Variants in KCNB2 observed in about 807,000 individuals in gnomAD.
KCNB2 encodes the protein delayed rectifier potassium channel protein.
In KCNB2, 15 loss-of-function variants were observed where a neutral mutation model predicts 61.5. The ratio of observed to expected loss-of-function variants is 0.24; its 90% CI spans 0.16 to 0.38. The LOEUF is 0.38. Among genes scored for constraint, KCNB2 ranks in the 10% least tolerant of loss-of-function variants. The pLI, the probability that KCNB2 is intolerant of heterozygous loss-of-function variation, is 1.00. For synonymous variants in KCNB2, 457 were observed against 446.0 expected (o/e 1.02, Z -0.31); for missense variants, 828 against 1,125.2 (o/e 0.74, Z 3.78).
rs936033227 is a variant in KCNB2 at position 72,901,402 on chromosome 8, A to G, written c.580-34533A>G. Among the ~76,000 whole-genome samples the G allele has an allele frequency of 2.0e-5, 3 of 152,342 alleles. No homozygotes were observed. The South Asian group carries it at 6.2e-4, about 32-fold the overall frequency. Reference sequence around the variant, plus strand: ...CAATATGTAAGAGTCAAAGAGCTACACATTATTCCTTTTGAAAATATAAAA... The same window carrying G: ...CAATATGTAAGAGTCAAAGAGCTACGCATTATTCCTTTTGAAAATATAAAA... On this transcript the variant is annotated intron_variant, in intron 2 of 2. Transcript: ENST00000523207.
At position 72,783,218 on chromosome 8, in the gene KCNB2, C is replaced by A. The variant is rs189278448; in HGVS notation, c.580-152717C>A. ...AAGGGGTTCCAACTTCTACTTTCAA[C>A]CCCTTCCCTGTAATTTATTCCTTAC... On this transcript the variant is annotated intron_variant, in intron 2 of 2. Coordinates refer to ENST00000523207, the MANE Select transcript of KCNB2 (RefSeq NM_004770.3). Among the ~76,000 whole-genome samples, 4 of 152,266 alleles carry A rather than the reference C, an allele frequency of 2.6e-5. No individual in the cohort carries two copies. The East Asian group carries it at 7.7e-4, about 29-fold the overall frequency.
chr8:72,572,868 G>A (rs75443446), intron 2 of KCNB2, among the ~76,000 whole-genome samples: 3,212 of 152,198 alleles, frequency 0.021, 104 homozygotes, highest in African/African-American at 0.07. Context: ...AGATGACCGC[G>A]TTTCCTGCCT....
intron 2 of KCNB2, among the ~76,000 whole-genome samples, chr8:72,763,969 C>T (rs752550785): frequency 1.3e-5 from 2 of 152,068 alleles, no homozygotes; most frequent in Non-Finnish European, 2.9e-5. Flanking sequence ...GGCACAGGCA[C>T]AGCAGAGACC....
intron 2 of KCNB2, among the ~76,000 whole-genome samples, chr8:72,727,672 C>G (rs1293801924): frequency 1.3e-5 from 2 of 152,062 alleles, no homozygotes; most frequent in East Asian, 3.9e-4. Context: ...AACCATTAGC[C>G]AGGAGAATTA....
chr8:72,859,372 A>G (rs1810258623), intron 2 of KCNB2, among the ~76,000 whole-genome samples: 1 of 152,198 alleles, frequency 6.6e-6, no homozygotes, highest in Non-Finnish European at 1.5e-5. Context: ...AATATAATTC[A>G]CATCCCATAC....
chr8:72,772,960 G>T (rs1808584820), intron 2 of KCNB2, among the ~76,000 whole-genome samples: 1 of 152,126 alleles, frequency 6.6e-6, no homozygotes, highest in African/African-American at 2.4e-5. Context: ...TATCCCTCTT[G>T]CTGGCTAGTC....
intron 2 of KCNB2, among the ~76,000 whole-genome samples, chr8:72,729,068 T>C (rs1260238920): frequency 6.6e-6 from 1 of 152,166 alleles, no homozygotes; most frequent in Non-Finnish European, 1.5e-5. Context: ...AAAGAAACTC[T>C]TTGTAACTTG....
intron 2 of KCNB2, among the ~76,000 whole-genome samples, chr8:72,743,994 G>A (rs1477413383): frequency 6.6e-6 from 1 of 152,038 alleles, no homozygotes; most frequent in Non-Finnish European, 1.5e-5. Flanking sequence ...ATCAGATTTT[G>A]TATTCTTCTT....
At chr8:72,726,689 G>GT (rs1244558513) in intron 2 of KCNB2, among the ~76,000 whole-genome samples, 4 of 152,062 alleles carry the variant, frequency 2.6e-5, no homozygotes, top group African/African-American at 9.7e-5. Context: ...TTTGTCTTTC[G>GT]TTTTTCTTTG....
intron 2 of KCNB2, among the ~76,000 whole-genome samples, chr8:72,775,742 A>T (rs1808638873): frequency 6.7e-6 from 1 of 150,116 alleles, no homozygotes; most frequent in South Asian, 2.1e-4. Flanking sequence ...AAAAAAAATG[A>T]CCCACAGGTA....
intron 2 of KCNB2, among the ~76,000 whole-genome samples, chr8:72,650,799 A>G (rs906228930): frequency 6.6e-5 from 10 of 152,166 alleles, no homozygotes; most frequent in Admixed American, 4.6e-4. Context: ...CTTGCTTTCA[A>G]TGTCTGTAAG....
chr8:72,847,916 G>A (rs747923397), intron 2 of KCNB2, among the ~76,000 whole-genome samples: 27 of 152,202 alleles, frequency 1.8e-4, no homozygotes, highest in Non-Finnish European at 3.7e-4. Context: ...GCTACAGTAG[G>A]AAAGCTAGGG....
At chr8:72,867,529 T>G (rs899178008) in intron 2 of KCNB2, among the ~76,000 whole-genome samples, 2 of 152,208 alleles carry the variant, frequency 1.3e-5, no homozygotes, top group African/African-American at 4.8e-5. Flanking sequence ...ATTACCTTGT[T>G]GATAATAAAC....
rs555886647 is a variant in KCNB2 at position 72,621,509 on chromosome 8, T to A, written c.579+53196T>A. Among the ~76,000 whole-genome samples the A allele has an allele frequency of 2.6e-5, 4 of 152,338 alleles. No individual in the cohort carries two copies. In the South Asian group the frequency reaches 8.3e-4, roughly 32 times the overall value. On this transcript the variant is annotated intron_variant, in intron 2 of 2. Coordinates refer to ENST00000523207, the MANE Select transcript of KCNB2 (RefSeq NM_004770.3). ...AATGACATCACTTGACTTGAACATT[T>A]CCCTGCACTCATTTTTAATTATTTA...
At chr8:72,846,804 T>C (rs1416251332) in intron 2 of KCNB2, among the ~76,000 whole-genome samples, 2 of 152,150 alleles carry the variant, frequency 1.3e-5, no homozygotes, top group African/African-American at 4.8e-5. Context: ...TTTTACACTG[T>C]TGGTGGGACT....
chr8:72,561,727 ATCTATATCTATATATATATG>A lies in KCNB2; in HGVS notation c.-93-5913_-93-5894del, dbSNP rs1311621455. Among the ~76,000 whole-genome samples, 82 of 35,196 alleles carry A rather than the reference ATCTATATCTATATATATATG, an allele frequency of 2.3e-3. 1 individual carries two copies. Among genetic ancestry groups the A allele is most frequent in the African/African-American group, 4.2e-3 (55 of 13,190 alleles). The allele number at this position is 35,196 out of a possible 152,430, so 23.1% of individuals were successfully genotyped here. A position where few individuals can be genotyped will look rare whatever the true frequency, so the allele number is the denominator to read the frequency against. ...TATATATATATATATATATATATAT[ATCTATATCTATATATATATG>A]TATATATATATATGGATATATATAT... On this transcript the variant is annotated intron_variant, in intron 1 of 2. Transcript: ENST00000523207.
chr8:72,563,395 A>G (rs1806567247), intron 1 of KCNB2, among the ~76,000 whole-genome samples: 1 of 152,202 alleles, frequency 6.6e-6, no homozygotes, highest in Non-Finnish European at 1.5e-5. Context: ...AGCCCCTTTT[A>G]TGATCCCATA....
chr8:72,707,208 G>A (rs748974677), intron 2 of KCNB2, among the ~76,000 whole-genome samples: 2 of 152,164 alleles, frequency 1.3e-5, no homozygotes, highest in African/African-American at 2.4e-5. Flanking sequence ...CGACTTTAAT[G>A]TTTAAAAAAT....
intron 2 of KCNB2, among the ~76,000 whole-genome samples, chr8:72,852,063 T>C (rs1279805804): frequency 1.6e-5 from 2 of 123,246 alleles, no homozygotes; most frequent in African/African-American, 5.8e-5. Context: ...AGGGAGACCC[T>C]GTTTCTAAAA....
Sources: allele counts gnomAD v4.1 joint callset (sites outside exome capture counted in the v4.1 genomes callset), GRCh38; gene constraint gnomAD v4.1.1; transcripts MANE v1.5; gene names NCBI Gene and HGNC (gene_info 2026-07-23, HGNC 2026-07-21).